Variants in BCAR3 observed in about 807,000 individuals in gnomAD.
BCAR3 encodes the protein BCAR3 adaptor protein, NSP family member, also known as breast cancer anti-estrogen resistance protein 3.
In BCAR3, 37 loss-of-function variants were observed where a neutral mutation model predicts 80.1. That is an observed-to-expected ratio of 0.46 (90% CI 0.36 to 0.61). The LOEUF (loss-of-function observed/expected upper bound fraction) is 0.61. BCAR3 is among the 20% of genes least tolerant of loss of function. The pLI, the probability that BCAR3 is intolerant of heterozygous loss-of-function variation, is 0.00. For missense variants in BCAR3, 978 were observed against 1,068.2 expected, an observed-to-expected ratio of 0.92 and a Z score of 1.18; for synonymous variants, 389 against 418.9, an observed-to-expected ratio of 0.93 and a Z score of 0.87.
At chr1:93,646,705 C>G (rs959591802) in intron 2 of BCAR3, 2 of 151,988 alleles carry the variant, frequency 1.3e-5, no homozygotes, top group Admixed American at 1.3e-4. Context: ...AAACCCAGCC[C>G]AAGACAGAAT....
intron 2 of BCAR3, among the ~76,000 whole-genome samples, chr1:93,669,481 T>C (rs1167088907): frequency 6.6e-6 from 1 of 152,186 alleles, no homozygotes; most frequent in Non-Finnish European, 1.5e-5. Context: ...CCACTGTCAG[T>C]TAAAACACTT....
chr1:93,613,321 C>A (rs190510356), intron 3 of BCAR3, among the ~76,000 whole-genome samples: 28 of 152,124 alleles, frequency 1.8e-4, no homozygotes, highest in African/African-American at 6.5e-4. Context: ...CTCTTGGCAC[C>A]GGTGTCTTAT....
chr1:93,703,449 C>T (rs1649718596), intron 3 of BCAR3, among the ~76,000 whole-genome samples: 1 of 151,948 alleles, frequency 6.6e-6, no homozygotes, highest in Admixed American at 6.5e-5. Context: ...CTCCTGTAGT[C>T]CTACCTACTC....
At chr1:93,578,526 C>T (rs1453415840) in intron 7 of BCAR3, among the ~76,000 whole-genome samples, 5 of 152,192 alleles carry the variant, frequency 3.3e-5, no homozygotes, top group African/African-American at 1.2e-4. Context: ...ATGTGCGTTG[C>T]CTGCCGTCTG....
rs938202848 is a variant in BCAR3 at position 93,812,284 on chromosome 1, G to A, written c.-63+33283C>T. 6.6e-5 allele frequency among the ~76,000 whole-genome samples: 10 copies of A among 151,880 alleles called. No homozygotes were observed. In the Middle Eastern group the frequency reaches 0.01, roughly 155 times the overall value. ...CCATCCCCTTTCCCCAGGCCCTTCC[G>A]TCCCAGGAAGCCCACCGCTGGGACC... On this transcript the variant is annotated intron_variant, in intron 2 of 13. Coordinates refer to the BCAR3 transcript ENST00000370244.
rs148590829 is a variant in BCAR3, at chr1:93,814,688, G to A, written c.-63+30879C>T. Among the ~76,000 whole-genome samples the A allele has an allele frequency of 8.5e-5, 13 of 152,296 alleles. No individual in the cohort carries two copies. The East Asian group carries it at 2.1e-3, about 25-fold the overall frequency. On this transcript the variant is annotated intron_variant, in intron 2 of 13. Transcript: ENST00000370244. ...TGGTGTGTGTACCAGCTGTTACACC[G>A]GCATCCACTGGTGTTACAGCCACAC...
At position 93,593,728 on chromosome 1, in the gene BCAR3, A is replaced by AAACAACAACAACAACAAC. The variant is rs112457260; in HGVS notation, c.358-1353_358-1336dup. On this transcript the variant is annotated intron_variant, in intron 3 of 11. Transcript: ENST00000260502. ...AAATAGCTCCAAATCCTTTTCCACC[A>AAACAACAACAACAACAAC]AACAACAACAACAACAACAACAACA... is the stretch of plus-strand genomic sequence containing the variant. Among the ~76,000 whole-genome samples the AAACAACAACAACAACAAC allele has an allele frequency of 2.3e-3, 350 of 151,290 alleles. 2 individuals carry two copies. Among genetic ancestry groups the AAACAACAACAACAACAAC allele is most frequent in the African/African-American group, 7.6e-3 (313 of 41,090 alleles).
In BCAR3 at chr1:93,819,910, C is replaced by T. The variant is rs138958285; in HGVS notation, c.-63+25657G>A. On this transcript the variant is annotated intron_variant, in intron 2 of 13. Coordinates refer to the BCAR3 transcript ENST00000370244. ...TGATAGACAGTTTTCTGATTCTCAC[C>T]CTCCTCCTATCCTCCACCCTCAAGT... is the stretch of plus-strand genomic sequence containing the variant. 4.8e-3 allele frequency among the ~76,000 whole-genome samples: 731 copies of T among 152,198 alleles called. 7 individuals carry two copies. The highest frequency in any genetic ancestry group is 0.014 in the African/African-American group (581 of 41,518).
At chr1:93,697,692 G>C (rs1183532412) in intron 3 of BCAR3, among the ~76,000 whole-genome samples, 2 of 152,152 alleles carry the variant, frequency 1.3e-5, no homozygotes, top group Non-Finnish European at 1.5e-5. Context: ...TTTAAAGAGA[G>C]GGCTAGGCCG....
At chr1:93,713,418 G>T (rs1447060278) in intron 2 of BCAR3, among the ~76,000 whole-genome samples, 6 of 152,106 alleles carry the variant, frequency 3.9e-5, no homozygotes, top group African/African-American at 1.4e-4. Flanking sequence ...CTGGACCTCT[G>T]CCTTCCAATC....
chr1:93,717,222 A>G (rs1650219277), intron 2 of BCAR3, among the ~76,000 whole-genome samples: 1 of 152,216 alleles, frequency 6.6e-6, no homozygotes, highest in Admixed American at 6.5e-5. Context: ...ACCAGTCCCC[A>G]GCCAACCTGC....
chr1:93,686,879 G>A (rs1648989458), intron 3 of BCAR3, among the ~76,000 whole-genome samples: 1 of 152,156 alleles, frequency 6.6e-6, no homozygotes, highest in South Asian at 2.1e-4. Flanking sequence ...TTTTACTGGT[G>A]AGAAGACTCA....
chr1:93,654,001 G>A (rs1647246876), intron 2 of BCAR3, among the ~76,000 whole-genome samples: 1 of 152,014 alleles, frequency 6.6e-6, no homozygotes, highest in Non-Finnish European at 1.5e-5. Context: ...CCAGAGCCAC[G>A]ATGGTCCTTA....
intron 2 of BCAR3, among the ~76,000 whole-genome samples, chr1:93,806,170 C>T (rs114003415): frequency 6.6e-6 from 1 of 152,080 alleles, no homozygotes; most frequent in Non-Finnish European, 1.5e-5. Flanking sequence ...GAAAACTTTG[C>T]CTTCTACCGA....
chr1:93,703,109 T>A (rs913389220), intron 3 of BCAR3, among the ~76,000 whole-genome samples: 17 of 152,194 alleles, frequency 1.1e-4, no homozygotes, highest in African/African-American at 3.6e-4. Context: ...GAATTGGAAC[T>A]GTGATCAGGC....
At chr1:93,629,031 A>G (rs1675529974) in intron 3 of BCAR3, among the ~76,000 whole-genome samples, 1 of 152,266 alleles carries the variant, frequency 6.6e-6, no homozygotes, top group Non-Finnish European at 1.5e-5. Flanking sequence ...AGGGAGGCCC[A>G]TACGTTTAAT....
At chr1:93,681,842 C>G (rs1428087445), upstream of BCAR3, 1 of 152,154 alleles carries the variant, frequency 6.6e-6, no homozygotes, top group Non-Finnish European at 1.5e-5. Context: ...AGCTCTGAGC[C>G]GGCGGCGCGC....
intron 2 of BCAR3, among the ~76,000 whole-genome samples, chr1:93,799,197 G>A (rs966562456): frequency 1.3e-5 from 2 of 152,134 alleles, no homozygotes; most frequent in African/African-American, 4.8e-5. Flanking sequence ...GAGCCAACAG[G>A]TCTATATTTT....
chr1:93,635,426 C>G (rs781620073), intron 3 of BCAR3, among the ~76,000 whole-genome samples: 60 of 152,034 alleles, frequency 3.9e-4, no homozygotes, highest in Non-Finnish European at 1.2e-4. Flanking sequence ...TTATAAATGG[C>G]CACATTTTCA....
Sources: allele counts gnomAD v4.1 joint callset (sites outside exome capture counted in the v4.1 genomes callset), GRCh38; gene constraint gnomAD v4.1.1; transcripts MANE v1.5; gene names NCBI Gene and HGNC (gene_info 2026-07-23, HGNC 2026-07-21).